PPFIBP2: variants seen among roughly 807,000 people sequenced by gnomAD.
PPFIBP2 encodes PPFIB scaffold protein 2, also known as liprin-beta-2.
Under a neutral mutation model 118.3 loss-of-function variants are expected in PPFIBP2, and 118 were observed. That is an observed-to-expected ratio of 1.00 (90% CI 0.86 to 1.16). The LOEUF is 1.16. Ranked by LOEUF, PPFIBP2 falls within the 50% of genes most tolerant of loss-of-function variation. The pLI is 0.00. For synonymous variants in PPFIBP2, 414 were observed against 397.4 expected (o/e 1.04, Z -0.50); for missense variants, 1,195 against 1,073.1 (o/e 1.11, Z -1.59).
Position 7,642,427 on chromosome 11 carries a change from G to A in PPFIBP2, c.1646+1G>A. ...CCAGGGACTCCAAGGGACAGAAAAG[G>A]TAAGGCTTGACCCACTTTCCTTTGA... On this transcript the variant is annotated splice_donor_variant, in intron 17 of 23. Coordinates refer to ENST00000299492, the MANE Select transcript of PPFIBP2 (RefSeq NM_003621.5). LOFTEE classifies it high-confidence loss of function. The A allele has an allele frequency of 1.2e-6, 2 of 1,612,226 alleles. No homozygotes were observed. Among genetic ancestry groups the A allele is most frequent in the Non-Finnish European group, 1.7e-6 (2 of 1,178,912 alleles).
chr11:7,544,803 C>T (rs906016634), intron 1 of PPFIBP2, among the ~76,000 whole-genome samples: 4 of 143,486 alleles, frequency 2.8e-5, no homozygotes, highest in African/African-American at 5.1e-5. Flanking sequence ...AAAAAATCTA[C>T]TTCCCACCAT....
chr11:7,610,674 G>C (rs763953713), intron 6 of PPFIBP2, among the ~76,000 whole-genome samples: 7 of 152,222 alleles, frequency 4.6e-5, no homozygotes, highest in South Asian at 2.1e-4. Flanking sequence ...GATGGAAAGA[G>C]AAGCAATAGT....
chr11:7,547,788 C>A (rs1163392208), intron 1 of PPFIBP2, among the ~76,000 whole-genome samples: 1 of 152,140 alleles, frequency 6.6e-6, no homozygotes, highest in South Asian at 2.1e-4. Context: ...TGGTTCTTGA[C>A]CCCCGAGGCT....
chr11:7,580,526 G>C (rs1395308682), intron 3 of PPFIBP2, among the ~76,000 whole-genome samples: 1 of 152,200 alleles, frequency 6.6e-6, no homozygotes, highest in African/African-American at 2.4e-5. Flanking sequence ...CTTATGTTCA[G>C]AGAGGCATGG....
chr11:7,641,932 T>C, intron 16 of PPFIBP2: 3 of 424,472 alleles, frequency 7.1e-6, no homozygotes, highest in Non-Finnish European at 1.3e-5. Context: ...GAGACTGTAT[T>C]CTCCCTTCTT....
intron 6 of PPFIBP2, among the ~76,000 whole-genome samples, chr11:7,614,864 A>G (rs1226151863): frequency 6.6e-6 from 1 of 152,222 alleles, no homozygotes; most frequent in African/African-American, 2.4e-5. Context: ...ATGGTTGGCA[A>G]AGTGTGATTA....
At chr11:7,653,839 C>T, downstream of PPFIBP2, 1 of 1,163,070 alleles carries the variant, frequency 8.6e-7, no homozygotes, top group Non-Finnish European at 1.1e-6. Flanking sequence ...GATTGCAGAG[C>T]TGAAGAGCCG....
chr11:7,610,475 T>C, intron 6 of PPFIBP2, 53 bp downstream of exon 6: 1 of 1,593,482 alleles, frequency 6.3e-7, no homozygotes, highest in Non-Finnish European at 8.5e-7. Flanking sequence ...GCTGTCATAA[T>C]GTGAATTTAG....
chr11:7,577,944 C>A (rs1037145100), intron 3 of PPFIBP2, among the ~76,000 whole-genome samples: 1 of 152,162 alleles, frequency 6.6e-6, no homozygotes, highest in African/African-American at 2.4e-5. Flanking sequence ...ACACCGTGAC[C>A]AGAAGAATGT....
intron 7 of PPFIBP2, among the ~76,000 whole-genome samples, chr11:7,624,606 C>G (rs1042454823): frequency 6.6e-6 from 1 of 152,128 alleles, no homozygotes; most frequent in Non-Finnish European, 1.5e-5. Flanking sequence ...AGAGGAGAAG[C>G]CTTTGCTGTC....
At chr11:7,592,423 C>G (rs1031036077) in intron 3 of PPFIBP2, among the ~76,000 whole-genome samples, 2 of 152,128 alleles carry the variant, frequency 1.3e-5, no homozygotes, top group African/African-American at 4.8e-5. Context: ...ATTTCCTTAG[C>G]TTTTGCTCTG....
At chr11:7,558,371 G>A (rs1170614696) in intron 2 of PPFIBP2, among the ~76,000 whole-genome samples, 1 of 152,224 alleles carries the variant, frequency 6.6e-6, no homozygotes, top group Non-Finnish European at 1.5e-5. Context: ...AGAACTGTGA[G>A]CCTACTATGA....
chr11:7,586,035 G>A (rs1858110987), intron 3 of PPFIBP2, among the ~76,000 whole-genome samples: 1 of 152,244 alleles, frequency 6.6e-6, no homozygotes, highest in Admixed American at 6.5e-5. Flanking sequence ...GTGAGCACTT[G>A]TTCAGGGATA....
chr11:7,631,764 G>T (rs1850790247), intron 11 of PPFIBP2, among the ~76,000 whole-genome samples: 1 of 152,154 alleles, frequency 6.6e-6, no homozygotes, highest in Non-Finnish European at 1.5e-5. Context: ...TATTGACTCA[G>T]AACAAGCACC....
At chr11:7,595,458 T>A (rs1376356625) in intron 4 of PPFIBP2, among the ~76,000 whole-genome samples, 2 of 152,236 alleles carry the variant, frequency 1.3e-5, no homozygotes, top group Non-Finnish European at 2.9e-5. Context: ...CAAAGTCCTG[T>A]GTAATAATGC....
intron 17 of PPFIBP2, among the ~76,000 whole-genome samples, chr11:7,646,814 T>TCTA (rs1853143215): frequency 6.6e-6 from 1 of 152,174 alleles, no homozygotes; most frequent in Non-Finnish European, 1.5e-5. Flanking sequence ...AGAATCAAAC[T>TCTA]ATAGAGGTAC....
In PPFIBP2 at chr11:7,597,686, G is replaced by A. The variant is rs879139120; in HGVS notation, c.486+13G>A. The A allele has an allele frequency of 6.2e-7, 1 of 1,602,890 alleles. No individual in the cohort carries two copies. The highest frequency in any genetic ancestry group is 1.1e-5 in the South Asian group (1 of 90,578). The stretch of plus-strand genomic sequence containing the variant: ...GATGCTTCAACAGGTAAGGGCGGGT[G>A]CACTGAAGGCCCTTGGGTGCCGAAG... On this transcript the variant is annotated intron_variant, in intron 5 of 23. Transcript: ENST00000299492.
At chr11:7,624,614 G>A (rs1339866981) in intron 7 of PPFIBP2, among the ~76,000 whole-genome samples, 1 of 152,206 alleles carries the variant, frequency 6.6e-6, no homozygotes, top group Non-Finnish European at 1.5e-5. Context: ...AGCCTTTGCT[G>A]TCTTTTATTG....
At chr11:7,648,605 C>A (rs1292791808) in intron 18 of PPFIBP2, 68 bp downstream of exon 18, 1 of 1,582,006 alleles carries the variant, frequency 6.3e-7, no homozygotes, top group Non-Finnish European at 8.7e-7. Flanking sequence ...CAGGGTCCGC[C>A]ACTCCTGTCA....
Sources: gnomAD v4.1 joint callset for allele counts (sites outside exome capture counted in the v4.1 genomes callset) on GRCh38, gnomAD v4.1.1 for gene constraint, MANE v1.5 for transcripts, NCBI Gene and HGNC (gene_info 2026-07-23, HGNC 2026-07-21) for gene names.